The following SLC14A2 variants were observed in gnomAD, a reference collection of about 807,000 sequenced individuals.
SLC14A2 encodes the protein solute carrier family 14 member 2, also known as urea transporter 2.
In SLC14A2, 91 loss-of-function variants were observed where a neutral mutation model predicts 104.6. The observed-to-expected ratio is 0.87, with a 90% CI of 0.73 to 1.04. The LOEUF is 1.04. SLC14A2 is among the 50% of genes least tolerant of loss of function. The pLI, the probability that SLC14A2 is intolerant of heterozygous loss-of-function variation, is 0.00. For synonymous variants in SLC14A2, 476 were observed against 466.4 expected (o/e 1.02, Z -0.27); for missense variants, 1,189 against 1,156.0 (o/e 1.03, Z -0.41).
chr18:45,376,295 C>T (rs2085774218), intron 1 of SLC14A2, among the ~76,000 whole-genome samples: 1 of 152,122 alleles, frequency 6.6e-6, no homozygotes, highest in Non-Finnish European at 1.5e-5. Flanking sequence ...GTCCTGAGCA[C>T]CTTGCACAGT....
At chr18:45,443,925 A>G (rs958069343) in intron 1 of SLC14A2, among the ~76,000 whole-genome samples, 2 of 152,182 alleles carry the variant, frequency 1.3e-5, no homozygotes, top group Non-Finnish European at 2.9e-5. Flanking sequence ...AGTCTTTTCC[A>G]TAATCCAGGC....
the SLC14A2 span, among the ~76,000 whole-genome samples, chr18:45,190,973 T>C: frequency 6.6e-6 from 1 of 152,158 alleles, no homozygotes; most frequent in African/African-American, 2.4e-5. Flanking sequence ...GTAGGGCATT[T>C]TGGCTGTCAG....
chr18:45,220,498 A>C (rs1269423568), intron 1 of SLC14A2, among the ~76,000 whole-genome samples: 2 of 152,340 alleles, frequency 1.3e-5, no homozygotes, highest in East Asian at 3.9e-4. Context: ...GCAGGGTTTT[A>C]AACTTGCCTG....
intron 1 of SLC14A2, among the ~76,000 whole-genome samples, chr18:45,339,682 G>A (rs1385286753): frequency 6.6e-6 from 1 of 152,206 alleles, no homozygotes; most frequent in Non-Finnish European, 1.5e-5. Context: ...AAGAGCATCA[G>A]CTGAGCAATG....
chr18:45,406,840 A>G (rs932310295), intron 1 of SLC14A2, among the ~76,000 whole-genome samples: 2 of 151,428 alleles, frequency 1.3e-5, no homozygotes, highest in African/African-American at 4.9e-5. Context: ...TTTTTTTCTG[A>G]GCAGTAAGTC....
intron 2 of SLC14A2, among the ~76,000 whole-genome samples, chr18:45,509,656 G>A (rs953950767): frequency 1.6e-4 from 25 of 152,322 alleles, no homozygotes; most frequent in Non-Finnish European, 2.9e-4. Context: ...ACATGGTGTC[G>A]GCAATCTGCC....
chr18:45,574,297 G>A (rs916669912), intron 2 of SLC14A2, among the ~76,000 whole-genome samples: 3 of 152,328 alleles, frequency 2.0e-5, no homozygotes, highest in South Asian at 2.1e-4. Flanking sequence ...TGTGCTACCA[G>A]ACAGAAGGTT....
At chr18:45,466,899 G>T (rs2087153494) in intron 1 of SLC14A2, among the ~76,000 whole-genome samples, 1 of 152,002 alleles carries the variant, frequency 6.6e-6, no homozygotes, top group African/African-American at 2.4e-5. Context: ...TAGACAGATG[G>T]GCACATCTGT....
At chr18:45,473,016 C>A (rs1403628112) in intron 1 of SLC14A2, among the ~76,000 whole-genome samples, 1 of 152,174 alleles carries the variant, frequency 6.6e-6, no homozygotes. Flanking sequence ...TTAGGTCTTA[C>A]ATTTAAGTCT....
At chr18:45,582,369 A>C (rs932513042) in intron 2 of SLC14A2, among the ~76,000 whole-genome samples, 1 of 152,220 alleles carries the variant, frequency 6.6e-6, no homozygotes, top group South Asian at 2.1e-4. Context: ...GAAATTTTGC[A>C]CTTTAGGACT....
chr18:45,407,379 C>T (rs1449416110), intron 1 of SLC14A2, among the ~76,000 whole-genome samples: 1 of 152,318 alleles, frequency 6.6e-6, no homozygotes, highest in Admixed American at 6.5e-5. Flanking sequence ...TAGAGCTTTT[C>T]TCTGGATTAG....
intron 1 of SLC14A2, among the ~76,000 whole-genome samples, chr18:45,417,560 AACTC>A (rs1351364156): frequency 6.6e-6 from 1 of 152,220 alleles, no homozygotes; most frequent in African/African-American, 2.4e-5. Context: ...ATCTTCTGAG[AACTC>A]ACTCACTATC....
At chr18:45,203,171 G>T in the SLC14A2 span, among the ~76,000 whole-genome samples, 1 of 152,192 alleles carries the variant, frequency 6.6e-6, no homozygotes, top group Non-Finnish European at 1.5e-5. Flanking sequence ...ACAGACCCAC[G>T]TTAGTGCTGA....
At chr18:45,593,248 C>T (rs1212002418) in intron 2 of SLC14A2, among the ~76,000 whole-genome samples, 2 of 151,078 alleles carry the variant, frequency 1.3e-5, no homozygotes, top group African/African-American at 4.9e-5. Context: ...ACCCGGGAGG[C>T]GGAGCTTGCA....
rs2044144803 is a variant in SLC14A2, at chr18:45,557,212, C to A, written c.-34-67419C>A. ...CAGTCACAGTTCAATAGACATTTGA[C>A]TGCTGCAGCTTTGTAACCTGCTTCA... On this transcript the variant is annotated intron_variant, in intron 2 of 20. Transcript: ENST00000586448. Among the ~76,000 whole-genome samples, 3 of 152,234 alleles carry A rather than the reference C, an allele frequency of 2.0e-5. No individual in the cohort carries two copies. The South Asian group carries it at 6.2e-4, about 32-fold the overall frequency.
At chr18:45,333,824 A>G (rs2085312776) in intron 1 of SLC14A2, among the ~76,000 whole-genome samples, 1 of 152,220 alleles carries the variant, frequency 6.6e-6, no homozygotes, top group South Asian at 2.1e-4. Context: ...TTGAGTGCCA[A>G]GCACTGAGCT....
chr18:45,291,907 A>C (rs886263680), intron 1 of SLC14A2, among the ~76,000 whole-genome samples: 5 of 152,176 alleles, frequency 3.3e-5, no homozygotes, highest in African/African-American at 1.2e-4. Flanking sequence ...CTCCTCCCAG[A>C]TAATTCAGGA....
At chr18:45,631,429 CAGG>C (rs1330597627) in intron 4 of SLC14A2, among the ~76,000 whole-genome samples, 1 of 152,208 alleles carries the variant, frequency 6.6e-6, no homozygotes, top group Non-Finnish European at 1.5e-5. Flanking sequence ...TTATTACGAT[CAGG>C]AGGAGAATTG....
At position 45,675,705 on chromosome 18, in the gene SLC14A2, ATATATT is replaced by A. The variant is rs1186768774; in HGVS notation, c.2512+1890_2512+1895del. Among the ~76,000 whole-genome samples, 21 of 66,520 alleles carry A rather than the reference ATATATT, an allele frequency of 3.2e-4. No homozygotes were observed. In the East Asian group the frequency reaches 5.3e-3, roughly 17 times the overall value. 43.6% of individuals were successfully genotyped at this position (66,520 alleles called of 152,430 possible). ...AATTTCTATATATATATATATATAT[ATATATT>A]TTTTTTTTTTTTTTTTTTGGAGAGA... On this transcript the variant is annotated intron_variant, in intron 18 of 19. Coordinates refer to ENST00000255226, the MANE Select transcript of SLC14A2 (RefSeq NM_007163.4).
Sources: allele counts gnomAD v4.1 joint callset (sites outside exome capture counted in the v4.1 genomes callset), GRCh38; gene constraint gnomAD v4.1.1; transcripts MANE v1.5; gene names NCBI Gene and HGNC (gene_info 2026-07-23, HGNC 2026-07-21).